The following MICAL3 variants were observed in gnomAD, a reference collection of about 807,000 sequenced individuals.
MICAL3 encodes microtubule associated monooxygenase, calponin and LIM domain containing 3, also known as [F-actin]-monooxygenase MICAL3.
Under a neutral mutation model 207.4 loss-of-function variants are expected in MICAL3, and 62 were observed. The ratio of observed to expected loss-of-function variants is 0.30; its 90% CI spans 0.24 to 0.37. The LOEUF (loss-of-function observed/expected upper bound fraction) is 0.37. Among genes scored for constraint, MICAL3 ranks in the 10% least tolerant of loss-of-function variants. The pLI, the probability that MICAL3 is intolerant of heterozygous loss-of-function variation, is 1.00. For missense variants in MICAL3, 2,368 were observed against 2,635.6 expected (o/e 0.90, Z 2.22); for synonymous variants, 1,077 against 1,069.3 (o/e 1.01, Z -0.14).
At chr22:17,936,263 A>G (rs1933523318) in intron 1 of MICAL3, among the ~76,000 whole-genome samples, 1 of 152,222 alleles carries the variant, frequency 6.6e-6, no homozygotes, top group Non-Finnish European at 1.5e-5. Context: ...GGATGAATTC[A>G]TGTCCTTTGC....
intron 3 of MICAL3, among the ~76,000 whole-genome samples, chr22:17,903,255 C>T (rs766004188): frequency 1.6e-4 from 24 of 152,220 alleles, no homozygotes; most frequent in Non-Finnish European, 2.8e-4. Flanking sequence ...CAACTAGATC[C>T]TCCTACCATT....
chr22:17,836,948 TG>T (rs1368811494), intron 20 of MICAL3, among the ~76,000 whole-genome samples: 1 of 152,192 alleles, frequency 6.6e-6, no homozygotes, highest in East Asian at 1.9e-4. Context: ...GCCCGGCCCC[TG>T]GGTGGTTTTT....
At chr22:18,006,805 C>A (rs1348923469) in intron 1 of MICAL3, among the ~76,000 whole-genome samples, 1 of 152,098 alleles carries the variant, frequency 6.6e-6, no homozygotes, top group Non-Finnish European at 1.5e-5. Context: ...TGCACTCCAG[C>A]GTGGGCAACA....
intron 29 of MICAL3, among the ~76,000 whole-genome samples, chr22:17,799,217 T>C (rs922207361): frequency 6.6e-6 from 1 of 152,072 alleles, no homozygotes; most frequent in Non-Finnish European, 1.5e-5. Context: ...ACCCCGTCTC[T>C]ACTAAAAACA....
chr22:17,794,625 C>A (rs1226004915), intron 29 of MICAL3, among the ~76,000 whole-genome samples: 1 of 152,226 alleles, frequency 6.6e-6, no homozygotes, highest in Non-Finnish European at 1.5e-5. Context: ...CACCCCCTTT[C>A]CTTCTGGCCC....
chr22:17,848,418 T>A (rs552568988), intron 19 of MICAL3, among the ~76,000 whole-genome samples: 1 of 152,246 alleles, frequency 6.6e-6, no homozygotes, highest in Non-Finnish European at 1.5e-5. Flanking sequence ...TTCGGAACCA[T>A]GTCTGGCCCA....
At chr22:17,948,912 C>CAAA (rs112234424) in intron 1 of MICAL3, among the ~76,000 whole-genome samples, 3 of 106,662 alleles carry the variant, frequency 2.8e-5, no homozygotes, top group Admixed American at 2.0e-4. Context: ...GATGCTGCCT[C>CAAA]AAAAAAAAAA....
At position 17,895,327 on chromosome 22, in the gene MICAL3, G is replaced by C. The variant is rs1432051611; in HGVS notation, c.1406C>G (p.Thr469Ser). The change falls in exon 10 of 32, where the codon ACT (threonine) becomes AGT (serine). Residue 469 changes from threonine (T) to serine (S), a missense_variant. Physicochemically the swap from Thr to Ser is moderately conservative, Grantham distance 58. Around this residue, in one of 4 missense-constraint regions of MICAL3, gnomAD observed 147 missense variants for 137.7 expected, o/e 1.07. Transcript: ENST00000441493. The part of the protein sequence containing the change: ...NFSQYSIDPV[T>S]RYPNINVNFL... ...GTTGACGTTGATATTGGGATACCGA[G>C]TGACAGGGTCGATACTGTACTGGCT... 49 of 1,613,852 alleles carry C rather than the reference G, an allele frequency of 3.0e-5. No homozygotes were observed. Among genetic ancestry groups the C allele is most frequent in the Non-Finnish European group, 4.1e-5 (48 of 1,179,848 alleles).
chr22:17,814,377 G>A (rs564150349), intron 27 of MICAL3: 2 of 152,260 alleles, frequency 1.3e-5, no homozygotes, highest in South Asian at 2.1e-4. Context: ...GTCCCTAAAC[G>A]TTTTAGGATG....
chr22:17,793,972 C>A lies in MICAL3; in HGVS notation c.5651-2671G>T, dbSNP rs2061850632. On this transcript the variant is annotated intron_variant, in intron 29 of 31. Transcript: ENST00000441493. This position sits in a 1 kb window ranked among gnomAD's most constrained non-coding sequence, Gnocchi z 4.1. ...ACAACAGGAGGAAAAGAAAATAATA[C>A]AAGAAATGGAGAAGCAGAAACAAGG... 6.6e-6 allele frequency among the ~76,000 whole-genome samples: 1 copy of A among 152,042 alleles called. No homozygotes were observed. Among genetic ancestry groups the A allele is most frequent in the Non-Finnish European group, 1.5e-5 (1 of 68,024 alleles).
chr22:17,919,876 A>G (rs1037542681), intron 1 of MICAL3, among the ~76,000 whole-genome samples: 5 of 152,246 alleles, frequency 3.3e-5, no homozygotes, highest in Non-Finnish European at 7.3e-5. Context: ...GTTCCCTATA[A>G]AAAGAAACTG....
intron 1 of MICAL3, among the ~76,000 whole-genome samples, chr22:17,926,670 C>T (rs531164949): frequency 6.6e-6 from 1 of 152,320 alleles, no homozygotes; most frequent in African/African-American, 2.4e-5. Flanking sequence ...AGGTGTTGGC[C>T]TCCACACCGC....
chr22:17,857,195 G>A (rs1227099313), intron 19 of MICAL3, among the ~76,000 whole-genome samples: 1 of 152,200 alleles, frequency 6.6e-6, no homozygotes, highest in African/African-American at 2.4e-5. Context: ...CCCACCGCCT[G>A]TCAGGAACCA....
In MICAL3 at chr22:17,917,933, G is replaced by A. The variant is rs1388142976; in HGVS notation, c.-74-11047C>T. Among the ~76,000 whole-genome samples the A allele has an allele frequency of 2.6e-5, 4 of 152,230 alleles. No individual in the cohort carries two copies. In the East Asian group the frequency reaches 7.7e-4, roughly 29 times the overall value. Reference sequence around the variant, plus strand: ...AGGTAAGCCCAGCTATGAGAAGGGAGTAGAGCATGAGCACACAGTGACTCC... The same window carrying A: ...AGGTAAGCCCAGCTATGAGAAGGGAATAGAGCATGAGCACACAGTGACTCC... On this transcript the variant is annotated intron_variant, in intron 1 of 31. Transcript: ENST00000441493.
At chr22:17,844,383 C>T (rs114308560) in intron 19 of MICAL3, among the ~76,000 whole-genome samples, 2,240 of 152,274 alleles carry the variant, frequency 0.015, 60 homozygotes, top group African/African-American at 0.048. Flanking sequence ...TTTTGTAGCA[C>T]GACAGGTTGT....
chr22:17,901,935 A>G lies in MICAL3; in HGVS notation c.634T>C (p.Ser212Pro). The G allele has an allele frequency of 6.2e-7, 1 of 1,613,818 alleles. No homozygotes were observed. Among genetic ancestry groups the G allele is most frequent in the Non-Finnish European group, 8.5e-7 (1 of 1,179,844 alleles). ...ALVHPKTHPV[S>P]EYEFEVIIGG... ...ATGATCACTTCAAATTCATACTCTG[A>G]CACAGGATGAGTCTTGGGGTGCACC... Residue 212 changes from serine (S) to proline (P), a missense_variant, in exon 5 of 32, where the codon TCA (serine) becomes CCA (proline). Transcript: ENST00000441493.
At chr22:17,894,642 C>T (rs899840463) in intron 10 of MICAL3, among the ~76,000 whole-genome samples, 3 of 151,496 alleles carry the variant, frequency 2.0e-5, no homozygotes, top group African/African-American at 7.3e-5. Context: ...ACTAAAAATA[C>T]AAAAATTAGC....
intron 27 of MICAL3, chr22:17,812,690 A>G (rs2062060833): frequency 7.1e-6 from 2 of 282,388 alleles, no homozygotes; most frequent in African/African-American, 4.6e-5. Context: ...GACTTAAAAC[A>G]CGAGATTATT....
intron 1 of MICAL3, among the ~76,000 whole-genome samples, chr22:18,014,925 T>C (rs979779172): frequency 1.3e-5 from 2 of 151,424 alleles, no homozygotes; most frequent in Admixed American, 1.3e-4. Flanking sequence ...CCCAGAAGCT[T>C]GCAGTGAGCC....
Sources: allele counts gnomAD v4.1 joint callset (sites outside exome capture counted in the v4.1 genomes callset), GRCh38; gene constraint gnomAD v4.1.1; regional missense constraint gnomAD v4.1.1; non-coding constraint Gnocchi (gnomAD v3.1); transcripts MANE v1.5; gene names NCBI Gene and HGNC (gene_info 2026-07-23, HGNC 2026-07-21).